CEP76: variants seen among roughly 807,000 people sequenced by gnomAD.
CEP76 encodes the protein centrosomal protein of 76 kDa.
A neutral mutation model predicts 83.3 loss-of-function variants in CEP76; 55 were observed. The ratio of observed to expected loss-of-function variants is 0.66; its 90% CI spans 0.53 to 0.83. The LOEUF (loss-of-function observed/expected upper bound fraction) is 0.83, where lower values mean the gene tolerates loss of function less well. CEP76 is among the 40% of genes least tolerant of loss of function. The pLI, the probability that CEP76 is intolerant of heterozygous loss-of-function variation, is 0.00. For missense variants in CEP76, 694 were observed against 799.5 expected (o/e 0.87, Z 1.59); for synonymous variants, 270 against 274.5 (o/e 0.98, Z 0.16).
At chr18:12,694,005 A>T (rs563050280) in intron 6 of CEP76, among the ~76,000 whole-genome samples, 10 of 152,134 alleles carry the variant, frequency 6.6e-5, no homozygotes, top group South Asian at 6.2e-4. Flanking sequence ...CTAATTTTTT[A>T]AAATTTTTGT....
chr18:12,662,515 C>T (rs1454946352), intron 12 of CEP76, among the ~76,000 whole-genome samples: 1 of 152,224 alleles, frequency 6.6e-6, no homozygotes, highest in African/African-American at 2.4e-5. Context: ...GGGGCTCACA[C>T]CTGTAATCCC....
At chr18:12,700,615 A>C (rs905653754) in intron 2 of CEP76, among the ~76,000 whole-genome samples, 2 of 152,324 alleles carry the variant, frequency 1.3e-5, no homozygotes, top group Non-Finnish European at 2.9e-5. Context: ...AAATACGCTT[A>C]ATCTAAAAAA....
rs1418307774 is a variant in CEP76 at position 12,672,935 on chromosome 18, GT to G, written c.*429del. On this transcript the variant is annotated 3_prime_UTR_variant, in exon 12 of 12. Coordinates refer to ENST00000262127, the MANE Select transcript of CEP76 (RefSeq NM_024899.4). ...ATGCAATAAATAAATCTGTCATGAG[GT>G]TAATTTCTCCTAATCTGTATAAAAT... 20 of 982,396 alleles carry G rather than the reference GT, an allele frequency of 2.0e-5. No individual in the cohort carries two copies. The highest frequency in any genetic ancestry group is 2.3e-5 in the Non-Finnish European group (19 of 827,162). 60.9% of individuals were successfully genotyped at this position (982,396 alleles called of 1,614,324 possible). A position where few individuals can be genotyped will look rare whatever the true frequency, so the allele number is the denominator to read the frequency against.
chr18:12,699,056 C>G lies in CEP76; in HGVS notation c.443G>C (p.Arg148Pro). 6.2e-7 allele frequency: 1 copy of G among 1,613,986 alleles called. No individual in the cohort carries two copies. Among genetic ancestry groups the G allele is most frequent in the Non-Finnish European group, 8.5e-7 (1 of 1,179,968 alleles). ...LCLHYRNQRFRSKPVPCACEP... is the reference protein window; with the variant it reads ...LCLHYRNQRFPSKPVPCACEP... ...ACAGGCACATGGAACAGGTTTAGAA[C>G]GAAAACGTTGGTTTCGATAATGTAA... is the stretch of plus-strand genomic sequence containing the variant. The change falls in exon 4 of 12, where the codon CGT becomes CCT. Residue 148 changes from arginine (R) to proline (P), a missense_variant. Transcript: ENST00000262127.
chr18:12,701,256 G>A, intron 1 of CEP76, 143 bp from the exon 2 acceptor site: 1 of 613,620 alleles, frequency 1.6e-6, no homozygotes, highest in East Asian at 2.8e-5. Context: ...TTTAAAGAAT[G>A]AATCTTTTGA....
At chr18:12,689,195 G>A (rs1377072658) in intron 7 of CEP76, among the ~76,000 whole-genome samples, 4 of 152,120 alleles carry the variant, frequency 2.6e-5, no homozygotes, top group Non-Finnish European at 4.4e-5. Context: ...GTATATTAAC[G>A]TTTTGATTTA....
At position 12,686,237 on chromosome 18, in the gene CEP76, T is replaced by TA. The variant is rs1273630033; in HGVS notation, c.1122+24dup. On this transcript the variant is annotated intron_variant, in intron 8 of 11. Transcript: ENST00000262127. ...AGAGTAACTATGATATACTGCTACT[T>TA]AATTCTATTATGTGTGTATAATACC... The TA allele has an allele frequency of 2.5e-6, 4 of 1,572,996 alleles. No homozygotes were observed. In the African/African-American group the frequency reaches 5.4e-5, roughly 21 times the overall value.
At chr18:12,688,322 ATCAT>A (rs2039622831) in intron 7 of CEP76, among the ~76,000 whole-genome samples, 1 of 152,128 alleles carries the variant, frequency 6.6e-6, no homozygotes, top group Non-Finnish European at 1.5e-5. Context: ...TTCAAAAAGC[ATCAT>A]TCAATGAATT....
chr18:12,678,188 C>CA lies in CEP76; in HGVS notation c.1543dup (p.Cys515LeufsTer6). The stretch of plus-strand genomic sequence containing the variant: ...TACTGACGCGTCAATTGTGGATGCA[C>CA]ACAGAGGTGGAAAGGGAGGAAGGGA... On this transcript the variant is annotated frameshift_variant, in exon 10 of 12. Coordinates refer to ENST00000262127, the MANE Select transcript of CEP76 (RefSeq NM_024899.4). LOFTEE classifies it high-confidence loss of function. 1 of 1,614,184 alleles carries CA rather than the reference C, an allele frequency of 6.2e-7. No individual in the cohort carries two copies. Among genetic ancestry groups the CA allele is most frequent in the Non-Finnish European group, 8.5e-7 (1 of 1,180,038 alleles).
chr18:12,698,889 C>G, intron 4 of CEP76, 90 bp downstream of exon 4: 1 of 907,366 alleles, frequency 1.1e-6, no homozygotes, highest in Non-Finnish European at 1.7e-6. Context: ...TTATAAATCT[C>G]TCCTTACAGA....
downstream of CEP76, among the ~76,000 whole-genome samples, chr18:12,668,645 A>G (rs115249225): frequency 8.4e-3 from 1,213 of 144,238 alleles, 28 homozygotes; most frequent in African/African-American, 0.028. Context: ...AATGTACTTA[A>G]TCCAATCAAA....
chr18:12,665,229 T>G (rs1323185824), intron 12 of CEP76: 1 of 152,182 alleles, frequency 6.6e-6, no homozygotes, highest in Non-Finnish European at 1.5e-5. Context: ...GCTAAAAAGC[T>G]GGTCTTTTAA....
chr18:12,700,830 C>A, intron 2 of CEP76, 128 bp downstream of exon 2: 1 of 641,028 alleles, frequency 1.6e-6, no homozygotes, highest in Non-Finnish European at 2.6e-6. Context: ...AACAAGGACA[C>A]TAGTAAACAG....
At chr18:12,696,495 C>T (rs558715469) in intron 5 of CEP76, among the ~76,000 whole-genome samples, 1 of 148,066 alleles carries the variant, frequency 6.8e-6, no homozygotes, top group Non-Finnish European at 1.5e-5. Flanking sequence ...GAGCGAGACT[C>T]CATCTCAAAT....
In CEP76 at chr18:12,678,307, T is replaced by C. The variant is rs1013885052; in HGVS notation, c.1425A>G (p.Val475=). 2 of 1,614,194 alleles carry C rather than the reference T, an allele frequency of 1.2e-6. No individual in the cohort carries two copies. Among genetic ancestry groups the C allele is most frequent in the African/African-American group, 2.7e-5 (2 of 75,066 alleles). The change falls in exon 10 of 12, where the codon GTA becomes GTG. Residue 475 remains valine (V), a synonymous_variant. Coordinates refer to ENST00000262127, the MANE Select transcript of CEP76 (RefSeq NM_024899.4). Reference sequence around the variant, plus strand: ...CGTTCAAATCAAATACACAGGTTTCTACTGCATCAGAGGGTTGACAATTTC... The same window carrying C: ...CGTTCAAATCAAATACACAGGTTTCCACTGCATCAGAGGGTTGACAATTTC... The part of the protein sequence containing the change: ...FLGNCQPSDA[V]ETCVFDLNDE...
At chr18:12,687,503 G>A (rs1485896750) in intron 7 of CEP76, among the ~76,000 whole-genome samples, 1 of 150,234 alleles carries the variant, frequency 6.7e-6, no homozygotes, top group African/African-American at 2.5e-5. Context: ...GTCCAGGCTG[G>A]AGTGCAGTAG....
At chr18:12,690,616 C>T (rs945223714) in intron 7 of CEP76, among the ~76,000 whole-genome samples, 3 of 152,062 alleles carry the variant, frequency 2.0e-5, no homozygotes, top group Non-Finnish European at 4.4e-5. Flanking sequence ...CCATCACGCC[C>T]GGCTAATTTT....
chr18:12,665,273 G>A (rs1428427082), intron 12 of CEP76: 1 of 152,142 alleles, frequency 6.6e-6, no homozygotes, highest in African/African-American at 2.4e-5. Context: ...GAAGGGTATA[G>A]GTAAAGGTAT....
At chr18:12,678,625 A>G (rs1277276078) in intron 9 of CEP76, among the ~76,000 whole-genome samples, 183 bp from the exon 10 acceptor site, 1 of 152,050 alleles carries the variant, frequency 6.6e-6, no homozygotes, top group African/African-American at 2.4e-5. Flanking sequence ...GTACGTCTTT[A>G]CAATATTGAA....
Sources: gnomAD v4.1 joint callset for allele counts (sites outside exome capture counted in the v4.1 genomes callset) on GRCh38, gnomAD v4.1.1 for gene constraint, MANE v1.5 for transcripts, NCBI Gene and HGNC (gene_info 2026-07-23, HGNC 2026-07-21) for gene names.